RALGPS1: variants seen among roughly 807,000 people sequenced by gnomAD.
RALGPS1 encodes the protein ras-specific guanine nucleotide-releasing factor RalGPS1.
A neutral mutation model predicts 78.8 loss-of-function variants in RALGPS1; 19 were observed. That is an observed-to-expected ratio of 0.24 (90% CI 0.17 to 0.35). The LOEUF is 0.35. Ranked by LOEUF, RALGPS1 falls within the 10% of genes least tolerant of loss-of-function variation. The pLI is 1.00. For synonymous variants in RALGPS1, 228 were observed against 256.3 expected (o/e 0.89, Z 1.06); for missense variants, 454 against 688.3 (o/e 0.66, Z 3.81).
At chr9:127,096,411 C>T (rs925495371) in intron 8 of RALGPS1, among the ~76,000 whole-genome samples, 3 of 152,220 alleles carry the variant, frequency 2.0e-5, no homozygotes, top group Non-Finnish European at 2.9e-5. Context: ...TGCAAAATAA[C>T]GCCCACTGAG....
At chr9:127,083,240 C>T (rs1171555366) in intron 8 of RALGPS1, among the ~76,000 whole-genome samples, 4 of 152,248 alleles carry the variant, frequency 2.6e-5, no homozygotes, top group Non-Finnish European at 5.9e-5. Context: ...AGTGTTCCTT[C>T]CACCTAGCTC....
At chr9:127,037,664 C>A (rs1390000297) in intron 5 of RALGPS1, among the ~76,000 whole-genome samples, 1 of 152,216 alleles carries the variant, frequency 6.6e-6, no homozygotes, top group Non-Finnish European at 1.5e-5. Context: ...GTAGCCTCCC[C>A]CTGTGGTTGC....
intron 13 of RALGPS1, 115 bp downstream of exon 13, chr9:127,196,746 C>T: frequency 7.9e-7 from 1 of 1,269,362 alleles, no homozygotes; most frequent in Non-Finnish European, 1.1e-6. Context: ...TCTTGGGGAC[C>T]CAGTGGCCCC....
intron 1 of RALGPS1, among the ~76,000 whole-genome samples, chr9:126,958,411 T>C (rs1349916147): frequency 2.0e-5 from 3 of 152,178 alleles, no homozygotes; most frequent in Admixed American, 6.5e-5. Context: ...GAAACTCCTG[T>C]GTCCTTGTGT....
chr9:126,932,032 C>G (rs1035378374), intron 1 of RALGPS1, among the ~76,000 whole-genome samples: 2 of 151,276 alleles, frequency 1.3e-5, no homozygotes, highest in African/African-American at 4.9e-5. Context: ...TAGGCTGTTA[C>G]GTTGGAAACA....
intron 1 of RALGPS1, among the ~76,000 whole-genome samples, chr9:126,950,896 A>T (rs927289424): frequency 2.0e-5 from 3 of 152,000 alleles, no homozygotes; most frequent in African/African-American, 7.2e-5. Flanking sequence ...TTTTGAAAGG[A>T]TCAACAAAAT....
At chr9:127,070,561 ATT>A (rs2050110352) in intron 8 of RALGPS1, among the ~76,000 whole-genome samples, 1 of 152,176 alleles carries the variant, frequency 6.6e-6, no homozygotes. Flanking sequence ...TTTCTCCCAC[ATT>A]ACAAATACTA....
chr9:127,161,345 C>T (rs547561366), intron 8 of RALGPS1, among the ~76,000 whole-genome samples: 1 of 152,200 alleles, frequency 6.6e-6, no homozygotes, highest in African/African-American at 2.4e-5. Context: ...CTGGGAGACT[C>T]GTGTAAACCA....
chr9:127,046,202 G>A (rs1238805723), intron 5 of RALGPS1, among the ~76,000 whole-genome samples: 9 of 152,120 alleles, frequency 5.9e-5, no homozygotes, highest in Non-Finnish European at 1.0e-4. Flanking sequence ...TGGAAGAATC[G>A]ACAAATCTCT....
chr9:127,121,509 A>G (rs2056082302), intron 8 of RALGPS1, among the ~76,000 whole-genome samples: 1 of 152,256 alleles, frequency 6.6e-6, no homozygotes, highest in Non-Finnish European at 1.5e-5. Flanking sequence ...ATCCTACAGC[A>G]GAGGCAAGAG....
intron 3 of RALGPS1, among the ~76,000 whole-genome samples, chr9:126,972,758 A>G (rs995679236): frequency 6.6e-6 from 1 of 152,210 alleles, no homozygotes; most frequent in African/African-American, 2.4e-5. Context: ...TTTGTAGATT[A>G]AAAGAGATTT....
In RALGPS1 at chr9:127,219,095, A is replaced by G; in HGVS notation, c.*326A>G. 2.4e-6 allele frequency: 1 copy of G among 422,188 alleles called. No homozygotes were observed. The allele number at this position is 422,188 out of a possible 1,614,324, so 26.2% of individuals were successfully genotyped here. On this transcript the variant is annotated 3_prime_UTR_variant, in exon 19 of 19. Coordinates refer to ENST00000259351, the MANE Select transcript of RALGPS1 (RefSeq NM_014636.3). This position sits in a 1 kb window ranked among gnomAD's most constrained non-coding sequence, Gnocchi z 5.0. ...CCACGTTGGGTTCTCAGTGCTTTCT[A>G]CTGCACAGAGTGGACAGCGCTAACT...
chr9:127,120,055 A>G (rs1013594750), intron 8 of RALGPS1, among the ~76,000 whole-genome samples: 1 of 152,204 alleles, frequency 6.6e-6, no homozygotes, highest in Non-Finnish European at 1.5e-5. Context: ...GCTAAGATGT[A>G]TCAGTGTTGT....
intron 7 of RALGPS1, among the ~76,000 whole-genome samples, chr9:127,064,827 A>G (rs1024768923): frequency 6.6e-6 from 1 of 152,170 alleles, no homozygotes; most frequent in Non-Finnish European, 1.5e-5. Flanking sequence ...ACTATGAATA[A>G]CATGTCCTTC....
intron 7 of RALGPS1, among the ~76,000 whole-genome samples, chr9:127,060,396 A>G (rs1390935596): frequency 6.6e-6 from 1 of 152,260 alleles, no homozygotes; most frequent in Non-Finnish European, 1.5e-5. Context: ...CTTAAATCAG[A>G]CACCTGGGTT....
rs540182631 is a variant in RALGPS1 at position 127,087,480 on chromosome 9, T to C, written c.610+18124T>C. On this transcript the variant is annotated intron_variant, in intron 8 of 18. Transcript: ENST00000259351. ...CACTTTGTGAGAAATGCTGAGGTAA[T>C]AGGCACACACCCAGACATGGACAGT... 9 of 152,684 alleles carry C rather than the reference T, an allele frequency of 5.9e-5. No individual in the cohort carries two copies. In the South Asian group the frequency reaches 1.9e-3, roughly 32 times the overall value. The allele number at this position is 152,684 out of a possible 1,614,324, so 9.5% of individuals were successfully genotyped here.
chr9:127,213,083 G>A, intron 17 of RALGPS1, 34 bp downstream of exon 17: 1 of 1,613,648 alleles, frequency 6.2e-7, no homozygotes, highest in Non-Finnish European at 8.5e-7. Context: ...GCCTGCAGCT[G>A]CTCTCTGCCC....
chr9:126,969,140 C>A (rs773982868), intron 3 of RALGPS1, among the ~76,000 whole-genome samples: 4 of 152,118 alleles, frequency 2.6e-5, no homozygotes, highest in Non-Finnish European at 2.9e-5. Context: ...CCCTGTATGT[C>A]TAAAATATTA....
At chr9:126,996,785 A>G (rs2042807569) in intron 4 of RALGPS1, among the ~76,000 whole-genome samples, 1 of 152,346 alleles carries the variant, frequency 6.6e-6, no homozygotes, top group African/African-American at 2.4e-5. Context: ...AATCCTCAAT[A>G]AAATACTGGC....
Sources: gnomAD v4.1 joint callset for allele counts (sites outside exome capture counted in the v4.1 genomes callset) on GRCh38, gnomAD v4.1.1 for gene constraint, Gnocchi (gnomAD v3.1) non-coding constraint, MANE v1.5 for transcripts, NCBI Gene and HGNC (gene_info 2026-07-23, HGNC 2026-07-21) for gene names.